Variants in MYRIP observed in about 807,000 individuals in gnomAD.
MYRIP encodes rab effector MyRIP.
In MYRIP, 49 loss-of-function variants were observed where a neutral mutation model predicts 98.0. The ratio of observed to expected loss-of-function variants is 0.50; its 90% confidence interval spans 0.40 to 0.63. The LOEUF (loss-of-function observed/expected upper bound fraction) is 0.63, where lower values mean the gene tolerates loss of function less well. MYRIP is among the 30% of genes least tolerant of loss of function. The pLI, the probability that MYRIP is intolerant of heterozygous loss-of-function variation, is 0.00. For synonymous variants in MYRIP, 404 were observed against 409.5 expected (o/e 0.99, Z 0.16); for missense variants, 1,004 against 1,058.2 (o/e 0.95, Z 0.71).
intron 4 of MYRIP, among the ~76,000 whole-genome samples, chr3:40,157,520 A>T (rs1261879338): frequency 6.7e-6 from 1 of 149,482 alleles, no homozygotes; most frequent in East Asian, 2.0e-4. Context: ...AAAATGAGTT[A>T]GGGAGGATTC....
At chr3:39,902,638 T>G (rs1235887510) in intron 2 of MYRIP, among the ~76,000 whole-genome samples, 1 of 152,204 alleles carries the variant, frequency 6.6e-6, no homozygotes, top group Non-Finnish European at 1.5e-5. Context: ...CACCTTAATA[T>G]TTCCTTTAAA....
intron 4 of MYRIP, among the ~76,000 whole-genome samples, chr3:40,155,551 C>G (rs1950214002): frequency 6.6e-6 from 1 of 151,812 alleles, no homozygotes; most frequent in Non-Finnish European, 1.5e-5. Context: ...GTTCTAGATC[C>G]CTGAGGAATT....
chr3:40,178,932 T>A (rs572198272), intron 8 of MYRIP, among the ~76,000 whole-genome samples: 29 of 152,250 alleles, frequency 1.9e-4, no homozygotes, highest in African/African-American at 7.0e-4. Flanking sequence ...CCCCCTTGCA[T>A]AGATGTTCAA....
At chr3:40,123,010 AG>A (rs1949436916) in intron 3 of MYRIP, among the ~76,000 whole-genome samples, 1 of 152,152 alleles carries the variant, frequency 6.6e-6, no homozygotes, top group South Asian at 2.1e-4. Context: ...GTAATTTTTG[AG>A]CTTTTGAATT....
In MYRIP at chr3:40,259,538, G is replaced by A. The variant is rs1373012147; in HGVS notation, c.*1372G>A. On this transcript the variant is annotated 3_prime_UTR_variant, in exon 17 of 17. Coordinates refer to ENST00000302541, the MANE Select transcript of MYRIP (RefSeq NM_015460.4). ...AGGCCAGAGAGATTAATTTGCCAAA[G>A]CCACACCTTTATGCTAATTATGATT... 1 of 152,168 alleles carries A rather than the reference G, an allele frequency of 6.6e-6. No individual in the cohort carries two copies. The allele number at this position is 152,168 out of a possible 1,614,324, so 9.4% of individuals were successfully genotyped here. A position where few individuals can be genotyped will look rare whatever the true frequency, so the allele number is the denominator to read the frequency against.
intron 3 of MYRIP, among the ~76,000 whole-genome samples, chr3:40,113,192 G>A (rs896502062): frequency 6.6e-6 from 1 of 152,226 alleles, no homozygotes; most frequent in African/African-American, 2.4e-5. Context: ...TGCCCAAGCT[G>A]GAGTGCAGTG....
At chr3:39,930,912 G>A (rs1322168196) in intron 2 of MYRIP, among the ~76,000 whole-genome samples, 1 of 151,960 alleles carries the variant, frequency 6.6e-6, no homozygotes, top group African/African-American at 2.4e-5. Flanking sequence ...GAATGTTTTG[G>A]TTATTCTAAC....
chr3:40,258,430 G>A lies in MYRIP; in HGVS notation c.*264G>A, dbSNP rs1312649821. On this transcript the variant is annotated 3_prime_UTR_variant, in exon 17 of 17. Transcript: ENST00000302541. ...GAAGACACTGGCTTCCAACAGCAGC[G>A]CTCCATGTTTAAGATACATATTTTC... is the stretch of plus-strand genomic sequence containing the variant. The A allele has an allele frequency of 3.6e-5, 16 of 446,450 alleles. No homozygotes were observed. The highest frequency in any genetic ancestry group is 2.6e-4 in the East Asian group (8 of 31,342). 27.7% of individuals were successfully genotyped at this position (446,450 alleles called of 1,614,324 possible). A position where few individuals can be genotyped will look rare whatever the true frequency, so the allele number is the denominator to read the frequency against.
chr3:39,854,954 G>T (rs996217570), intron 1 of MYRIP, among the ~76,000 whole-genome samples: 10 of 152,184 alleles, frequency 6.6e-5, no homozygotes, highest in African/African-American at 2.2e-4. Context: ...CTCCAGGCTG[G>T]TGCTGGGGGA....
intron 2 of MYRIP, among the ~76,000 whole-genome samples, chr3:39,972,207 C>A (rs1945603770): frequency 6.6e-6 from 1 of 151,922 alleles, no homozygotes; most frequent in African/African-American, 2.4e-5. Flanking sequence ...CAGATATTCA[C>A]CCTGGAATTT....
At chr3:40,156,725 A>T (rs1241589803) in intron 4 of MYRIP, among the ~76,000 whole-genome samples, 2 of 151,434 alleles carry the variant, frequency 1.3e-5, no homozygotes, top group African/African-American at 4.9e-5. Context: ...TGTAAGTTGG[A>T]TTCCTAGGTA....
intron 10 of MYRIP, among the ~76,000 whole-genome samples, chr3:40,192,276 C>T (rs66499656): frequency 0.87 from 110,852 of 127,186 alleles, 48,691 homozygotes; most frequent in Middle Eastern, 0.95. Flanking sequence ...AATTCTCCCT[C>T]TGATTTCATT....
At chr3:40,170,217 A>G in intron 8 of MYRIP, 124 bp downstream of exon 8, 2 of 1,267,576 alleles carry the variant, frequency 1.6e-6, no homozygotes, top group Non-Finnish European at 2.2e-6. Context: ...ATGGGGAGCG[A>G]AATTGAAAGA....
At chr3:39,943,703 T>C (rs1944840139) in intron 2 of MYRIP, among the ~76,000 whole-genome samples, 1 of 152,152 alleles carries the variant, frequency 6.6e-6, no homozygotes, top group African/African-American at 2.4e-5. Flanking sequence ...TTTCTTTTAT[T>C]AGCAATAAGA....
intron 2 of MYRIP, among the ~76,000 whole-genome samples, chr3:39,946,894 C>T (rs1944916118): frequency 6.6e-6 from 1 of 152,128 alleles, no homozygotes; most frequent in African/African-American, 2.4e-5. Context: ...ACAAATATAT[C>T]ACCCACTAGA....
chr3:40,163,424 C>A (rs1215172857), intron 5 of MYRIP, among the ~76,000 whole-genome samples: 1 of 152,154 alleles, frequency 6.6e-6, no homozygotes, highest in Non-Finnish European at 1.5e-5. Flanking sequence ...GCTGGTAAAA[C>A]CTTATTTCTG....
intron 16 of MYRIP, among the ~76,000 whole-genome samples, chr3:40,253,134 A>AC (rs1410409076): frequency 6.6e-6 from 1 of 152,172 alleles, no homozygotes; most frequent in Non-Finnish European, 1.5e-5. Context: ...TATAATAAGC[A>AC]CCCTATTATT....
chr3:40,216,009 G>A (rs1035453953), intron 11 of MYRIP, among the ~76,000 whole-genome samples: 6 of 152,192 alleles, frequency 3.9e-5, no homozygotes, highest in African/African-American at 9.6e-5. Flanking sequence ...GTGTCCTAGG[G>A]AAGGGCCTGC....
chr3:40,250,115 A>G (rs1488252237), intron 13 of MYRIP, 107 bp from the exon 14 acceptor site: 9 of 820,152 alleles, frequency 1.1e-5, no homozygotes, highest in Non-Finnish European at 1.8e-5. Context: ...TGAATGAATG[A>G]GCATACATCA....
Sources: gnomAD v4.1 joint callset for allele counts (sites outside exome capture counted in the v4.1 genomes callset) on GRCh38, gnomAD v4.1.1 for gene constraint, MANE v1.5 for transcripts, NCBI Gene and HGNC (gene_info 2026-07-23, HGNC 2026-07-21) for gene names.